ANTXR2: variants seen among roughly 807,000 people sequenced by gnomAD.
The protein encoded by ANTXR2 is ANTXR cell adhesion molecule 2.
A neutral mutation model predicts 73.7 loss-of-function variants in ANTXR2; 44 were observed. That is an observed-to-expected ratio of 0.60 (90% CI 0.47 to 0.77). The LOEUF is 0.77. Among genes scored for constraint, ANTXR2 ranks in the 30% least tolerant of loss-of-function variants. ANTXR2 has a pLI of 0.00. For synonymous variants in ANTXR2, 217 were observed against 205.9 expected, an observed-to-expected ratio of 1.05 and a Z score of -0.46; for missense variants, 604 against 592.5, an observed-to-expected ratio of 1.02 and a Z score of -0.20.
chr4:79,988,229 TTATATATATATATATATATATATATATA>T lies in ANTXR2; in HGVS notation c.1042-3394_1042-3367del, dbSNP rs70944756. On this transcript the variant is annotated intron_variant, in intron 12 of 16. Transcript: ENST00000403729. The stretch of plus-strand genomic sequence containing the variant: ...TCAAGAAATTCATCTCACATAAATT[TTATATATATATATATATATATATATATA>T]TATATATATATATATATATATGTAG... 1.4e-3 allele frequency among the ~76,000 whole-genome samples: 96 copies of T among 68,140 alleles called. No individual in the cohort carries two copies. The Middle Eastern group carries it at 0.05, about 35-fold the overall frequency. 44.7% of individuals were successfully genotyped at this position (68,140 alleles called of 152,430 possible).
intron 16 of ANTXR2, among the ~76,000 whole-genome samples, chr4:79,955,428 T>C (rs949581632): frequency 3.3e-5 from 5 of 152,094 alleles, no homozygotes; most frequent in African/African-American, 7.2e-5. Flanking sequence ...TATTTATTTA[T>C]TCATTATTGC....
chr4:80,033,024 G>A (rs557512465), intron 9 of ANTXR2, among the ~76,000 whole-genome samples: 1 of 151,912 alleles, frequency 6.6e-6, no homozygotes, highest in Non-Finnish European at 1.5e-5. Flanking sequence ...AGAAAAAAAG[G>A]AACAAGTAGG....
chr4:80,053,951 T>C (rs1237473932), intron 7 of ANTXR2, among the ~76,000 whole-genome samples: 1 of 151,730 alleles, frequency 6.6e-6, no homozygotes, highest in African/African-American at 2.4e-5. Flanking sequence ...AAATTTCTCC[T>C]ATAAAACCTA....
chr4:79,947,550 T>G (rs1728561828), intron 16 of ANTXR2, among the ~76,000 whole-genome samples: 1 of 152,170 alleles, frequency 6.6e-6, no homozygotes, highest in Admixed American at 6.6e-5. Flanking sequence ...AAACACTTAC[T>G]GCACAAGCAG....
intron 10 of ANTXR2, among the ~76,000 whole-genome samples, chr4:80,028,950 T>G (rs551023336): frequency 4.7e-4 from 71 of 152,298 alleles, no homozygotes; most frequent in African/African-American, 1.6e-3. Flanking sequence ...AAAGCTTTGC[T>G]TCAATGGTAT....
chr4:79,903,950 C>T lies in ANTXR2; in HGVS notation c.*3479G>A, dbSNP rs1726809583. ...GCTAGAAAATGCTAGTAAAAGCTAA[C>T]CAATATACAATATATGCATGGAGTA... On this transcript the variant is annotated 3_prime_UTR_variant, in exon 17 of 17. Transcript: ENST00000403729. 1 of 152,110 alleles carries T rather than the reference C, an allele frequency of 6.6e-6. No homozygotes were observed. Among genetic ancestry groups the T allele is most frequent in the Non-Finnish European group, 1.5e-5 (1 of 67,994 alleles). 9.4% of individuals were successfully genotyped at this position (152,110 alleles called of 1,614,324 possible). A position where few individuals can be genotyped will look rare whatever the true frequency, so the allele number is the denominator to read the frequency against.
chr4:79,911,134 G>A (rs1470265780), intron 16 of ANTXR2, among the ~76,000 whole-genome samples: 1 of 152,158 alleles, frequency 6.6e-6, no homozygotes, highest in Non-Finnish European at 1.5e-5. Context: ...TTATATTACA[G>A]CAAGAAGTCA....
chr4:79,997,472 G>T (rs754714522), intron 12 of ANTXR2, among the ~76,000 whole-genome samples: 1 of 151,752 alleles, frequency 6.6e-6, no homozygotes, highest in Non-Finnish European at 1.5e-5. Flanking sequence ...TTTTTGATAA[G>T]ATCAGAGAGG....
intron 11 of ANTXR2, among the ~76,000 whole-genome samples, chr4:80,016,412 C>T (rs1731875161): frequency 6.6e-6 from 1 of 152,174 alleles, no homozygotes; most frequent in African/African-American, 2.4e-5. Flanking sequence ...AAGGCCCTGT[C>T]TGTCTCAGTT....
intron 16 of ANTXR2, among the ~76,000 whole-genome samples, chr4:79,960,605 G>T (rs1293625208): frequency 6.6e-6 from 1 of 151,754 alleles, no homozygotes; most frequent in Admixed American, 6.6e-5. Context: ...AAATGTCCAG[G>T]GGTATTCTTT....
In ANTXR2 at chr4:79,906,815, C is replaced by G. The variant is rs1019378098; in HGVS notation, c.*614G>C. On this transcript the variant is annotated 3_prime_UTR_variant, in exon 17 of 17. Transcript: ENST00000403729. Reference sequence around the variant, plus strand: ...TTGAGGCATCTTGTCTACATTTTGTCATGCGTGTGCACTTTTCAGTGTTAG... The same window carrying G: ...TTGAGGCATCTTGTCTACATTTTGTGATGCGTGTGCACTTTTCAGTGTTAG... The G allele has an allele frequency of 6.5e-6, 1 of 152,704 alleles. No individual in the cohort carries two copies. Among genetic ancestry groups the G allele is most frequent in the African/African-American group, 2.4e-5 (1 of 41,436 alleles). 9.5% of individuals were successfully genotyped at this position (152,704 alleles called of 1,614,324 possible).
At chr4:79,982,266 C>T (rs1729924192) in intron 14 of ANTXR2, among the ~76,000 whole-genome samples, 1 of 152,118 alleles carries the variant, frequency 6.6e-6, no homozygotes, top group Non-Finnish European at 1.5e-5. Context: ...TACATGCTCA[C>T]TGTCAAATAC....
At chr4:80,022,930 G>C (rs187365933) in intron 10 of ANTXR2, among the ~76,000 whole-genome samples, 1 of 152,128 alleles carries the variant, frequency 6.6e-6, no homozygotes, top group Non-Finnish European at 1.5e-5. Context: ...TTAAGGAACA[G>C]AGCTTGGTAA....
chr4:79,933,272 A>C (rs377041670), intron 16 of ANTXR2, among the ~76,000 whole-genome samples: 7 of 152,212 alleles, frequency 4.6e-5, no homozygotes, highest in East Asian at 1.9e-4. Context: ...TAAGTTTTAG[A>C]AAACAGGTTC....
chr4:79,931,679 G>A (rs1313998826), intron 16 of ANTXR2, among the ~76,000 whole-genome samples: 1 of 152,114 alleles, frequency 6.6e-6, no homozygotes, highest in Non-Finnish European at 1.5e-5. Context: ...TGATTGGCAA[G>A]GTTAAAGCTG....
chr4:79,949,492 A>T (rs1170587646), intron 16 of ANTXR2, among the ~76,000 whole-genome samples: 3 of 152,180 alleles, frequency 2.0e-5, no homozygotes, highest in Admixed American at 6.6e-5. Flanking sequence ...ATGGCAGGTT[A>T]AAAAAGTACA....
chr4:79,979,768 A>C (rs980062132), intron 14 of ANTXR2, among the ~76,000 whole-genome samples: 2 of 152,174 alleles, frequency 1.3e-5, no homozygotes, highest in African/African-American at 4.8e-5. Flanking sequence ...TAACACTTAT[A>C]AAATCTTTAG....
intron 16 of ANTXR2, among the ~76,000 whole-genome samples, chr4:79,909,733 C>T (rs1219445579): frequency 1.3e-5 from 2 of 152,118 alleles, no homozygotes; most frequent in African/African-American, 2.4e-5. Flanking sequence ...CAAGCAAATG[C>T]TCTTCTCCCC....
intron 3 of ANTXR2, among the ~76,000 whole-genome samples, chr4:80,066,286 A>G (rs548012019): frequency 7.2e-5 from 11 of 152,248 alleles, no homozygotes; most frequent in Non-Finnish European, 1.6e-4. Context: ...CCTTATGGAC[A>G]TAAAACTGAT....
Sources: allele counts gnomAD v4.1 joint callset (sites outside exome capture counted in the v4.1 genomes callset), GRCh38; gene constraint gnomAD v4.1.1; transcripts MANE v1.5; gene names NCBI Gene and HGNC (gene_info 2026-07-23, HGNC 2026-07-21).